MARCHF11: variants seen among roughly 807,000 people sequenced by gnomAD.
MARCHF11 encodes membrane associated ring-CH-type finger 11.
MARCHF11 carries 29 observed loss-of-function variants against 37.3 expected under a neutral mutation model. The observed-to-expected ratio is 0.78, with a 90% CI of 0.58 to 1.06. MARCHF11 has a LOEUF of 1.06. Among genes scored for constraint, MARCHF11 ranks in the 50% least tolerant of loss-of-function variants. The pLI, the probability that MARCHF11 is intolerant of heterozygous loss-of-function variation, is 0.00. For missense variants in MARCHF11, 482 were observed against 533.4 expected (o/e 0.90, Z 0.95); for synonymous variants, 233 against 228.0 (o/e 1.02, Z -0.20).
chr5:16,094,875 G>A (rs1302773553), intron 2 of MARCHF11, among the ~76,000 whole-genome samples: 1 of 152,246 alleles, frequency 6.6e-6, no homozygotes, highest in East Asian at 1.9e-4. Context: ...ACTTTTCTAA[G>A]AGGTTATTTA....
chr5:16,140,857 T>C (rs996506870), intron 2 of MARCHF11, among the ~76,000 whole-genome samples: 2 of 152,250 alleles, frequency 1.3e-5, no homozygotes, highest in Admixed American at 6.5e-5. Context: ...GTAAAGTTTA[T>C]ACATTCTTGA....
intron 2 of MARCHF11, among the ~76,000 whole-genome samples, chr5:16,102,047 G>A (rs533070381): frequency 1.7e-4 from 26 of 152,310 alleles, no homozygotes; most frequent in African/African-American, 5.8e-4. Context: ...CTTCTCATAA[G>A]GACCTCAATG....
chr5:16,105,834 A>G (rs1737030576), intron 2 of MARCHF11, among the ~76,000 whole-genome samples: 1 of 151,532 alleles, frequency 6.6e-6, no homozygotes, highest in Admixed American at 6.6e-5. Flanking sequence ...TGCCTTCCCC[A>G]TACTTTTGAG....
intron 3 of MARCHF11, among the ~76,000 whole-genome samples, chr5:16,081,018 T>A (rs758908569): frequency 7.2e-5 from 11 of 152,134 alleles, no homozygotes; most frequent in African/African-American, 1.9e-4. Flanking sequence ...ACGATGTCTT[T>A]AAAAATGACA....
chr5:16,103,812 A>G (rs1736996241), intron 2 of MARCHF11, among the ~76,000 whole-genome samples: 1 of 152,194 alleles, frequency 6.6e-6, no homozygotes, highest in African/African-American at 2.4e-5. Context: ...CCAGGCCATG[A>G]GAATCTCAAG....
chr5:16,097,270 C>T (rs775722599), intron 2 of MARCHF11, among the ~76,000 whole-genome samples: 11 of 152,154 alleles, frequency 7.2e-5, no homozygotes, highest in Non-Finnish European at 1.3e-4. Flanking sequence ...GTTAATTATA[C>T]GCCCTTTCTT....
At chr5:16,124,404 C>G (rs527405667) in intron 2 of MARCHF11, among the ~76,000 whole-genome samples, 1 of 152,294 alleles carries the variant, frequency 6.6e-6, no homozygotes, top group East Asian at 1.9e-4. Context: ...TCACACACAG[C>G]TCCAGACAAC....
chr5:16,177,075 T>C (rs1471898650), intron 2 of MARCHF11, among the ~76,000 whole-genome samples: 1 of 152,236 alleles, frequency 6.6e-6, no homozygotes, highest in African/African-American at 2.4e-5. Flanking sequence ...TATGTTATTA[T>C]GTGATTATAC....
chr5:16,107,846 G>A (rs1392614967), intron 2 of MARCHF11, among the ~76,000 whole-genome samples: 3 of 151,408 alleles, frequency 2.0e-5, no homozygotes, highest in Non-Finnish European at 4.4e-5. Flanking sequence ...GGCTGGGGGT[G>A]GTCAGAGAGG....
intron 2 of MARCHF11, among the ~76,000 whole-genome samples, chr5:16,165,249 G>A (rs1738150324): frequency 6.6e-6 from 1 of 151,932 alleles, no homozygotes; most frequent in African/African-American, 2.4e-5. Context: ...ATTTTTGTTT[G>A]TTTGAAGACA....
intron 2 of MARCHF11, among the ~76,000 whole-genome samples, chr5:16,138,469 G>T (rs10051545): frequency 0.046 from 6,959 of 152,288 alleles, 433 homozygotes; most frequent in African/African-American, 0.15. Flanking sequence ...TTATTGCAGG[G>T]GTGGAGCCCT....
rs187484400 is a variant in MARCHF11 at position 16,140,708 on chromosome 5, A to G, written c.693+37018T>C. On this transcript the variant is annotated intron_variant, in intron 2 of 3. Coordinates refer to ENST00000332432, the MANE Select transcript of MARCHF11 (RefSeq NM_001102562.3). ...TTCTCAACATAAAAAATCTTAAACTAAATCTATGCAAACAAAATTGTGCAA... is the reference window on the plus strand; with the variant it reads ...TTCTCAACATAAAAAATCTTAAACTGAATCTATGCAAACAAAATTGTGCAA... Among the ~76,000 whole-genome samples the G allele has an allele frequency of 4.3e-3, 655 of 152,328 alleles. 2 individuals carry two copies. Among genetic ancestry groups the G allele is most frequent in the Non-Finnish European group, 6.5e-3 (440 of 68,032 alleles).
chr5:16,079,312 C>A (rs185168152), intron 3 of MARCHF11, among the ~76,000 whole-genome samples: 313 of 152,338 alleles, frequency 2.1e-3, no homozygotes, highest in African/African-American at 6.6e-3. Flanking sequence ...CTTCCACCTC[C>A]TAAAGACTTT....
At chr5:16,091,473 C>G (rs1736790504) in intron 2 of MARCHF11, among the ~76,000 whole-genome samples, 2 of 152,108 alleles carry the variant, frequency 1.3e-5, no homozygotes, top group Non-Finnish European at 2.9e-5. Context: ...GCTCTTAATA[C>G]ATTTGGCTAC....
intron 3 of MARCHF11, among the ~76,000 whole-genome samples, chr5:16,071,229 A>G (rs771812125): frequency 1.3e-5 from 2 of 152,246 alleles, no homozygotes; most frequent in African/African-American, 2.4e-5. Flanking sequence ...GATCACTTCT[A>G]TAAAACGTAA....
intron 2 of MARCHF11, among the ~76,000 whole-genome samples, chr5:16,158,273 C>T (rs967362992): frequency 2.0e-5 from 3 of 151,758 alleles, no homozygotes; most frequent in Non-Finnish European, 4.4e-5. Flanking sequence ...GATGGTTACC[C>T]CAAAAATTAA....
At chr5:16,086,942 C>T (rs1290990397) in intron 3 of MARCHF11, among the ~76,000 whole-genome samples, 1 of 152,196 alleles carries the variant, frequency 6.6e-6, no homozygotes, top group East Asian at 1.9e-4. Context: ...TACTTCATTT[C>T]TGAGTTTGCT....
intron 2 of MARCHF11, among the ~76,000 whole-genome samples, chr5:16,101,982 C>T (rs1268653238): frequency 2.0e-5 from 3 of 152,170 alleles, no homozygotes; most frequent in African/African-American, 4.8e-5. Context: ...AGGCAGCATA[C>T]TATGTTGGGA....
intron 2 of MARCHF11, among the ~76,000 whole-genome samples, chr5:16,138,114 C>T (rs1482178533): frequency 2.6e-5 from 4 of 152,262 alleles, no homozygotes; most frequent in South Asian, 4.1e-4. Flanking sequence ...AAATGTTAAT[C>T]GCCAAGACAA....
Sources: allele counts gnomAD v4.1 joint callset (sites outside exome capture counted in the v4.1 genomes callset), GRCh38; gene constraint gnomAD v4.1.1; transcripts MANE v1.5; gene names NCBI Gene and HGNC (gene_info 2026-07-23, HGNC 2026-07-21).